Variants in NLGN1 observed in about 807,000 individuals in gnomAD.
NLGN1 encodes the protein neuroligin-1.
NLGN1 carries 12 observed loss-of-function variants against 65.5 expected under a neutral mutation model. That is an observed-to-expected ratio of 0.18 (90% CI 0.12 to 0.30). The LOEUF (loss-of-function observed/expected upper bound fraction) is 0.30, where lower values mean the gene tolerates loss of function less well. NLGN1 is among the 10% of genes least tolerant of loss of function. The pLI is 1.00. For missense variants in NLGN1, 750 were observed against 1,007.1 expected (o/e 0.74, Z 3.46); for synonymous variants, 350 against 359.5 (o/e 0.97, Z 0.30).
intron 1 of NLGN1, among the ~76,000 whole-genome samples, chr3:173,431,298 T>G (rs1717114933): frequency 6.6e-6 from 1 of 152,142 alleles, no homozygotes; most frequent in African/African-American, 2.4e-5. Flanking sequence ...TAATTGTGTT[T>G]CCTTTTTTTG....
intron 2 of NLGN1, among the ~76,000 whole-genome samples, chr3:173,596,057 A>G (rs1486679958): frequency 1.3e-5 from 2 of 152,258 alleles, no homozygotes; most frequent in East Asian, 3.8e-4. Flanking sequence ...GCTACCAGGT[A>G]TAACGTCTAC....
intron 4 of NLGN1, among the ~76,000 whole-genome samples, chr3:173,863,524 G>T (rs553011949): frequency 6.6e-6 from 1 of 152,016 alleles, no homozygotes; most frequent in Non-Finnish European, 1.5e-5. Context: ...CAATTTCATT[G>T]TAAATGCACT....
chr3:173,591,181 A>G (rs1748415694), intron 2 of NLGN1, among the ~76,000 whole-genome samples: 1 of 152,190 alleles, frequency 6.6e-6, no homozygotes, highest in Non-Finnish European at 1.5e-5. Context: ...TTCCATGTGT[A>G]TATTAAATTC....
At chr3:173,503,343 G>C (rs1273672261) in intron 2 of NLGN1, among the ~76,000 whole-genome samples, 10 of 152,026 alleles carry the variant, frequency 6.6e-5, no homozygotes. Flanking sequence ...TCAGGGCTCA[G>C]CAGCATGTTC....
intron 4 of NLGN1, among the ~76,000 whole-genome samples, chr3:173,852,229 G>C (rs1017416115): frequency 2.0e-5 from 3 of 150,386 alleles, no homozygotes; most frequent in African/African-American, 7.3e-5. Flanking sequence ...GGTAGCGGGC[G>C]CCTGTAGTCC....
intron 4 of NLGN1, among the ~76,000 whole-genome samples, chr3:174,213,878 T>A (rs1006601658): frequency 6.6e-6 from 1 of 152,202 alleles, no homozygotes; most frequent in Admixed American, 6.5e-5. Context: ...TTCCTTGGAT[T>A]TAAGATTAGG....
chr3:173,933,213 A>C (rs1744430988), intron 4 of NLGN1, among the ~76,000 whole-genome samples: 1 of 152,096 alleles, frequency 6.6e-6, no homozygotes, highest in South Asian at 2.1e-4. Flanking sequence ...TCAGAAGGGC[A>C]CCTCCGGTGA....
intron 3 of NLGN1, among the ~76,000 whole-genome samples, chr3:173,680,700 T>C (rs1577918557): frequency 1.3e-5 from 2 of 152,180 alleles, no homozygotes; most frequent in South Asian, 4.1e-4. Context: ...TAATGACATG[T>C]AGTTAAAGGA....
At chr3:173,884,747 T>TA (rs202182038) in intron 4 of NLGN1, among the ~76,000 whole-genome samples, 22 of 151,894 alleles carry the variant, frequency 1.4e-4, no homozygotes, top group Non-Finnish European at 2.5e-4. Flanking sequence ...TATACTGCTA[T>TA]AAAAAAAACG....
Position 173,475,197 on chromosome 3 carries a change from A to G in NLGN1, c.-321+40119A>G, listed in dbSNP as rs1014925624. On this transcript the variant is annotated intron_variant, in intron 2 of 6. Coordinates refer to ENST00000457714, the Ensembl canonical transcript of NLGN1. ...AATTACTAAAGTTTGTGAAATATAT[A>G]TAATTTCTAAACTAACGTTATTTCA... Among the ~76,000 whole-genome samples the G allele has an allele frequency of 4.6e-5, 7 of 152,308 alleles. No individual in the cohort carries two copies. In the South Asian group the frequency reaches 1.2e-3, roughly 27 times the overall value.
At chr3:173,958,338 G>T (rs1012996968) in intron 4 of NLGN1, among the ~76,000 whole-genome samples, 1 of 152,196 alleles carries the variant, frequency 6.6e-6, no homozygotes, top group Non-Finnish European at 1.5e-5. Flanking sequence ...TGACAGAATA[G>T]CTCAGGAGGG....
chr3:174,009,418 A>G (rs1277713728), intron 4 of NLGN1, among the ~76,000 whole-genome samples: 1 of 152,188 alleles, frequency 6.6e-6, no homozygotes, highest in African/African-American at 2.4e-5. Flanking sequence ...GTCATTCACT[A>G]CGATAAATGC....
intron 4 of NLGN1, among the ~76,000 whole-genome samples, chr3:173,945,081 T>C (rs1189373425): frequency 2.0e-5 from 3 of 152,060 alleles, no homozygotes; most frequent in Non-Finnish European, 4.4e-5. Flanking sequence ...CAATCTGGGC[T>C]TCATTTGACC....
chr3:173,766,549 C>A (rs1292304835), intron 3 of NLGN1, among the ~76,000 whole-genome samples: 1 of 152,098 alleles, frequency 6.6e-6, no homozygotes, highest in African/African-American at 2.4e-5. Flanking sequence ...TAGGTATGTG[C>A]TTGTCATCTT....
At chr3:173,609,861 T>C (rs2149465764) in intron 3 of NLGN1, among the ~76,000 whole-genome samples, 1 of 151,756 alleles carries the variant, frequency 6.6e-6, no homozygotes, top group East Asian at 1.9e-4. Context: ...AGAGTGAAAA[T>C]AGTTAAAAAT....
chr3:173,987,763 C>G (rs1357436044), intron 4 of NLGN1, among the ~76,000 whole-genome samples: 1 of 152,150 alleles, frequency 6.6e-6, no homozygotes, highest in Non-Finnish European at 1.5e-5. Context: ...TGAGAATATG[C>G]CATACTGTGG....
chr3:174,068,066 A>G (rs1213144445), intron 4 of NLGN1, among the ~76,000 whole-genome samples: 1 of 152,080 alleles, frequency 6.6e-6, no homozygotes, highest in African/African-American at 2.4e-5. Flanking sequence ...TAGCATTTTA[A>G]GTGGGTGTCC....
At chr3:173,898,747 T>C (rs1736795792) in intron 4 of NLGN1, among the ~76,000 whole-genome samples, 1 of 152,158 alleles carries the variant, frequency 6.6e-6, no homozygotes, top group African/African-American at 2.4e-5. Context: ...TATGCTACTT[T>C]GACAAGGTAC....
At chr3:173,997,077 A>G (rs1722417818) in intron 4 of NLGN1, among the ~76,000 whole-genome samples, 1 of 152,200 alleles carries the variant, frequency 6.6e-6, no homozygotes, top group South Asian at 2.1e-4. Context: ...AAATAGCAGA[A>G]TAATTCTTAG....
Sources: allele counts gnomAD v4.1 joint callset (sites outside exome capture counted in the v4.1 genomes callset), GRCh38; gene constraint gnomAD v4.1.1; transcripts MANE v1.5; gene names NCBI Gene and HGNC (gene_info 2026-07-23, HGNC 2026-07-21).